The following SLCO2B1 variants were observed in gnomAD, a reference collection of about 807,000 sequenced individuals.
SLCO2B1 encodes solute carrier organic anion transporter family member 2B1.
Under a neutral mutation model 67.3 loss-of-function variants are expected in SLCO2B1, and 41 were observed. The observed-to-expected ratio is 0.61, with a 90% CI of 0.47 to 0.79. The LOEUF is 0.79. SLCO2B1 is among the 30% of genes least tolerant of loss of function. The pLI is 0.00. For missense variants in SLCO2B1, 837 were observed against 920.1 expected (o/e 0.91, Z 1.17); for synonymous variants, 379 against 381.4 (o/e 0.99, Z 0.07).
chr11:75,179,898 G>T (rs1053591617), intron 7 of SLCO2B1, among the ~76,000 whole-genome samples: 3 of 152,048 alleles, frequency 2.0e-5, no homozygotes, highest in African/African-American at 4.8e-5. Context: ...CTCCATGTTG[G>T]CCAGGCTGGT....
intron 1 of SLCO2B1, among the ~76,000 whole-genome samples, chr11:75,152,169 A>G (rs994183487): frequency 3.3e-5 from 5 of 152,262 alleles, no homozygotes; most frequent in Admixed American, 2.6e-4. Context: ...CTGGGAACAG[A>G]GCACCTGGCC....
chr11:75,165,743 C>T (rs1349067818), intron 3 of SLCO2B1, 44 bp from the exon 4 acceptor site: 21 of 1,604,136 alleles, frequency 1.3e-5, no homozygotes, highest in Non-Finnish European at 1.8e-5. Context: ...GCCCCCAGCC[C>T]TGGGAACTGT....
intron 7 of SLCO2B1, among the ~76,000 whole-genome samples, chr11:75,179,865 T>A (rs1258525531): frequency 2.0e-5 from 3 of 151,690 alleles, no homozygotes; most frequent in Non-Finnish European, 2.9e-5. Flanking sequence ...TCCTCCCAAG[T>A]GGCTGGGATT....
intron 10 of SLCO2B1, 109 bp from the exon 11 acceptor site, chr11:75,200,115 A>T: frequency 1.7e-6 from 2 of 1,200,520 alleles, no homozygotes; most frequent in East Asian, 5.0e-5. Context: ...GCTCTACCCC[A>T]ACTGGCTGTG....
chr11:75,200,603 AGGAGCTGGCC>A, intron 11 of SLCO2B1: 1 of 490,874 alleles, frequency 2.0e-6, no homozygotes, highest in South Asian at 3.6e-5. Context: ...AGAGAAGTTC[AGGAGCTGGCC>A]CCCATCACAT....
At chr11:75,178,548 C>G (rs941182358) in intron 7 of SLCO2B1, among the ~76,000 whole-genome samples, 2 of 152,092 alleles carry the variant, frequency 1.3e-5, no homozygotes, top group African/African-American at 4.8e-5. Flanking sequence ...TATGGTGGAA[C>G]ATGATGTTTT....
At chr11:75,154,981 A>C (rs1003065214) in intron 1 of SLCO2B1, among the ~76,000 whole-genome samples, 1 of 151,384 alleles carries the variant, frequency 6.6e-6, no homozygotes, top group Non-Finnish European at 1.5e-5. Flanking sequence ...GCATAGAGAG[A>C]CTCTCCCTCC....
In SLCO2B1 at chr11:75,165,959, G is replaced by A. The variant is rs3740839; in HGVS notation, c.448+10G>A. On this transcript the variant is annotated intron_variant, in intron 4 of 13. Transcript: ENST00000289575. ...GACAACACCAGCCCTGGTAAGAGCAGCAGGGGCTGGGCAGGAGTGGGACGT... is the reference window on the plus strand; with the variant it reads ...GACAACACCAGCCCTGGTAAGAGCAACAGGGGCTGGGCAGGAGTGGGACGT... 315,960 of 1,610,284 alleles carry A rather than the reference G, an allele frequency of 0.2. 36,078 individuals are homozygous for A. Among genetic ancestry groups the A allele is most frequent in the Admixed American group, 0.46 (27,725 of 59,790 alleles).
At chr11:75,172,903 TG>T (rs1411524622) in intron 7 of SLCO2B1, among the ~76,000 whole-genome samples, 1 of 150,662 alleles carries the variant, frequency 6.6e-6, no homozygotes, top group Non-Finnish European at 1.5e-5. Context: ...CACTCCAGCC[TG>T]GGCAACAAAG....
intron 7 of SLCO2B1, 87 bp from the exon 8 acceptor site, chr11:75,188,049 C>G: frequency 1.2e-6 from 1 of 838,184 alleles, no homozygotes; most frequent in Middle Eastern, 3.4e-4. Flanking sequence ...CTCTCCTCTC[C>G]AAGACCTCTC....
chr11:75,203,760 G>C (rs2140349682), intron 13 of SLCO2B1: 1 of 275,348 alleles, frequency 3.6e-6, no homozygotes, highest in Admixed American at 4.9e-5. Flanking sequence ...AAGGGCTGGG[G>C]AGAAAGCCCT....
chr11:75,163,954 C>G lies in SLCO2B1; in HGVS notation c.148-9C>G. ...GCCCACCTCTGCCTGCCTCCGGGTC[C>G]CCCCACAGCTGTTCGTTCTGTGCCA... On this transcript the variant is annotated splice_polypyrimidine_tract_variant and intron_variant, in intron 2 of 13. Coordinates refer to ENST00000289575, the MANE Select transcript of SLCO2B1 (RefSeq NM_007256.5). 1 of 1,593,718 alleles carries G rather than the reference C, an allele frequency of 6.3e-7. No homozygotes were observed. The highest frequency in any genetic ancestry group is 2.3e-5 in the East Asian group (1 of 43,370).
intron 10 of SLCO2B1, among the ~76,000 whole-genome samples, chr11:75,198,855 G>A (rs1659659457): frequency 6.6e-6 from 1 of 152,152 alleles, no homozygotes. Flanking sequence ...GAACAGGTGT[G>A]GAGCTGAATG....
Position 75,193,409 on chromosome 11 carries a change from G to C in SLCO2B1, c.1267G>C (p.Val423Leu), listed in dbSNP as rs765284410. 6.2e-7 allele frequency: 1 copy of C among 1,614,098 alleles called. No individual in the cohort carries two copies. The highest frequency in any genetic ancestry group is 1.1e-5 in the South Asian group (1 of 91,078). ...CTGCCTCTCCTTCCCTTCGGTCATC[G>C]TGGGCATCGTGGTGGGTGGCGTCCT... ...IGCLSFPSVI[V>L]GIVVGGVLVK... Residue 423 changes from valine (V) to leucine (L), a missense_variant, in exon 9 of 14, where the codon GTG becomes CTG. Coordinates refer to ENST00000289575, the MANE Select transcript of SLCO2B1 (RefSeq NM_007256.5). This position sits in a 1 kb window ranked among gnomAD's most constrained non-coding sequence, Gnocchi z 4.2.
intron 1 of SLCO2B1, 54 bp from the exon 2 acceptor site, chr11:75,162,601 G>C: frequency 6.3e-7 from 1 of 1,581,120 alleles, no homozygotes; most frequent in South Asian, 1.2e-5. Context: ...AATCAGGTCA[G>C]GGCCATTCTC....
At chr11:75,200,518 T>A in intron 11 of SLCO2B1, 131 bp downstream of exon 11, 2 of 861,100 alleles carry the variant, frequency 2.3e-6, no homozygotes, top group Non-Finnish European at 1.7e-6. Flanking sequence ...AATATGGCCT[T>A]AACTGTGTTC....
At chr11:75,170,138 A>G (rs899929274) in intron 6 of SLCO2B1, 1 of 222,748 alleles carries the variant, frequency 4.5e-6, no homozygotes, top group Non-Finnish European at 8.9e-6. Context: ...TCTTGCCTGT[A>G]GGGAGCCCCT....
At chr11:75,189,058 T>A (rs1269549621) in intron 8 of SLCO2B1, among the ~76,000 whole-genome samples, 3 of 152,252 alleles carry the variant, frequency 2.0e-5, no homozygotes, top group African/African-American at 7.2e-5. Flanking sequence ...TGCTCCTTTC[T>A]GGGCCTCCGT....
chr11:75,195,813 T>C (rs1167925249), intron 9 of SLCO2B1, among the ~76,000 whole-genome samples: 17 of 152,144 alleles, frequency 1.1e-4, no homozygotes, highest in Admixed American at 2.0e-4. Context: ...TGAAGCCAGG[T>C]GACACTGTGA....
Sources: allele counts gnomAD v4.1 joint callset (sites outside exome capture counted in the v4.1 genomes callset), GRCh38; gene constraint gnomAD v4.1.1; non-coding constraint Gnocchi (gnomAD v3.1); transcripts MANE v1.5; gene names NCBI Gene and HGNC (gene_info 2026-07-23, HGNC 2026-07-21).